Variants in TYW1B observed in about 807,000 individuals in gnomAD.
The protein encoded by TYW1B is S-adenosyl-L-methionine-dependent tRNA 4-demethylwyosine synthase TYW1B.
TYW1B carries 73 observed loss-of-function variants against 86.9 expected under a neutral mutation model. The ratio of observed to expected loss-of-function variants is 0.84; its 90% confidence interval spans 0.70 to 1.02. The LOEUF (loss-of-function observed/expected upper bound fraction) is 1.02, where lower values mean the gene tolerates loss of function less well. Ranked by LOEUF, TYW1B falls within the 50% of genes least tolerant of loss-of-function variation. The pLI, the probability that TYW1B is intolerant of heterozygous loss-of-function variation, is 0.00. For synonymous variants in TYW1B, 248 were observed against 292.8 expected, an observed-to-expected ratio of 0.85 and a Z score of 1.56; for missense variants, 637 against 827.4, an observed-to-expected ratio of 0.77 and a Z score of 2.82.
chr7:72,628,570 A>G (rs190611293), intron 12 of TYW1B, among the ~76,000 whole-genome samples: 1 of 152,154 alleles, frequency 6.6e-6, no homozygotes, highest in Admixed American at 6.6e-5. Flanking sequence ...TCAACCAATT[A>G]CTCACCACCA....
intron 7 of TYW1B, among the ~76,000 whole-genome samples, chr7:72,773,571 G>A (rs1297040368): frequency 6.6e-6 from 1 of 152,170 alleles, no homozygotes; most frequent in South Asian, 2.1e-4. Flanking sequence ...GCTACAGTTT[G>A]CAGGATTGAA....
intron 7 of TYW1B, among the ~76,000 whole-genome samples, chr7:72,771,807 A>C (rs575962662): frequency 1.1e-4 from 17 of 151,980 alleles, no homozygotes; most frequent in Non-Finnish European, 2.2e-4. Context: ...TTTAAAATCT[A>C]TATGTATCTA....
At chr7:72,618,071 G>A (rs549450541) in intron 12 of TYW1B, among the ~76,000 whole-genome samples, 32 of 151,826 alleles carry the variant, frequency 2.1e-4, no homozygotes, top group African/African-American at 5.3e-4. Context: ...AAATGATTCC[G>A]CTAAGTGGGG....
intron 13 of TYW1B, among the ~76,000 whole-genome samples, chr7:72,596,447 T>C (rs1220216097): frequency 3.3e-5 from 5 of 152,028 alleles, no homozygotes; most frequent in African/African-American, 7.2e-5. Context: ...GACAGATATG[T>C]AGAACAATGG....
chr7:72,651,898 T>G (rs1268660150), intron 11 of TYW1B, among the ~76,000 whole-genome samples: 2 of 152,208 alleles, frequency 1.3e-5, no homozygotes, highest in East Asian at 3.9e-4. Context: ...ATGTTCATAA[T>G]AGACACAAAT....
At chr7:72,731,393 C>CAAAAAAAAAAAAAAAAAAAAAAAAA (rs59262388) in intron 8 of TYW1B, among the ~76,000 whole-genome samples, 2 of 33,058 alleles carry the variant, frequency 6.0e-5, no homozygotes, top group Non-Finnish European at 1.0e-4. Context: ...TACCAAACTG[C>CAAAAAAAAAAAAAAAAAAAAAAAAA]AAAAAAAAAA....
intron 7 of TYW1B, 33 bp from the exon 8 acceptor site, chr7:72,744,634 A>T: frequency 1.2e-6 from 2 of 1,611,852 alleles, no homozygotes; most frequent in South Asian, 2.2e-5. Flanking sequence ...AATTTGAATA[A>T]AATCGTCAAA....
chr7:72,670,193 T>A (rs1433869234), intron 11 of TYW1B, among the ~76,000 whole-genome samples: 4 of 152,166 alleles, frequency 2.6e-5, no homozygotes, highest in Non-Finnish European at 5.9e-5. Context: ...AGAGTTTTCA[T>A]GTGTTATCTT....
chr7:72,659,959 T>C (rs1554444234), intron 11 of TYW1B, among the ~76,000 whole-genome samples: 1 of 152,124 alleles, frequency 6.6e-6, no homozygotes, highest in East Asian at 1.9e-4. Context: ...GTTAACTTTT[T>C]CTATAAATAA....
chr7:72,770,200 G>C (rs1787841515), intron 7 of TYW1B, among the ~76,000 whole-genome samples: 1 of 151,840 alleles, frequency 6.6e-6, no homozygotes, highest in African/African-American at 2.4e-5. Flanking sequence ...GGAGGCCTAG[G>C]TGGGCAGATC....
chr7:72,766,685 G>A (rs1251677073), intron 7 of TYW1B, among the ~76,000 whole-genome samples: 6 of 149,558 alleles, frequency 4.0e-5, no homozygotes, highest in Non-Finnish European at 1.5e-5. Context: ...CCAGAACTTT[G>A]GGAGGTCAAG....
chr7:72,751,960 GAGA>G (rs1438794179), intron 7 of TYW1B, among the ~76,000 whole-genome samples: 5 of 152,232 alleles, frequency 3.3e-5, no homozygotes, highest in Admixed American at 3.3e-4. Context: ...TCTCTCAGTG[GAGA>G]AGGAGAATGT....
intron 6 of TYW1B, among the ~76,000 whole-genome samples, chr7:72,780,606 G>C (rs1173067701): frequency 6.6e-6 from 1 of 152,120 alleles, no homozygotes; most frequent in Non-Finnish European, 1.5e-5. Flanking sequence ...AGACTCCAAA[G>C]GACGGCCATG....
intron 11 of TYW1B, among the ~76,000 whole-genome samples, chr7:72,670,638 T>G (rs139267237): frequency 0.013 from 1,912 of 152,344 alleles, 52 homozygotes; most frequent in African/African-American, 0.041. Context: ...ACTCGCATTC[T>G]GCTCGCTTTC....
intron 7 of TYW1B, among the ~76,000 whole-genome samples, chr7:72,745,847 T>C (rs1289391203): frequency 1.2e-5 from 1 of 86,280 alleles, no homozygotes; most frequent in African/African-American, 4.2e-5. Flanking sequence ...TACACGTGTA[T>C]AGGGGTGTGT....
chr7:72,724,109 C>T (rs1786955550), intron 9 of TYW1B, among the ~76,000 whole-genome samples: 2 of 151,750 alleles, frequency 1.3e-5, no homozygotes, highest in South Asian at 4.2e-4. Context: ...CAGAAAAAAG[C>T]ATTAAACAAA....
At chr7:72,690,210 T>C (rs1485402079) in intron 11 of TYW1B, among the ~76,000 whole-genome samples, 1 of 152,268 alleles carries the variant, frequency 6.6e-6, no homozygotes, top group African/African-American at 2.4e-5. Flanking sequence ...GGCATAATCA[T>C]AGTTCAGCAG....
chr7:72,745,520 G>C (rs1324266140), intron 7 of TYW1B, among the ~76,000 whole-genome samples: 1 of 152,046 alleles, frequency 6.6e-6, no homozygotes, highest in Non-Finnish European at 1.5e-5. Flanking sequence ...ATGGAATCAA[G>C]ATAATATCAA....
Position 72,649,980 on chromosome 7 carries a change from G to C in TYW1B, c.1507-20983C>G, listed in dbSNP as rs185035531. Among the ~76,000 whole-genome samples the C allele has an allele frequency of 3.2e-3, 493 of 151,842 alleles. 4 individuals are homozygous for C. Among genetic ancestry groups the C allele is most frequent in the African/African-American group, 0.011 (472 of 41,394 alleles). On this transcript the variant is annotated intron_variant, in intron 11 of 13. Coordinates refer to ENST00000620995, the MANE Select transcript of TYW1B (RefSeq NM_001145440.3). ...TCTTGGCTCAGTGCAAGCTCTGCCTGCCAGGTTCATGCCATTCTCCTGCCT... is the reference window on the plus strand; with the variant it reads ...TCTTGGCTCAGTGCAAGCTCTGCCTCCCAGGTTCATGCCATTCTCCTGCCT...
Sources: gnomAD v4.1 joint callset for allele counts (sites outside exome capture counted in the v4.1 genomes callset) on GRCh38, gnomAD v4.1.1 for gene constraint, MANE v1.5 for transcripts, NCBI Gene and HGNC (gene_info 2026-07-23, HGNC 2026-07-21) for gene names.